DACH2: variants seen among roughly 807,000 people sequenced by gnomAD.
The protein encoded by DACH2 is dachshund family transcription factor 2.
A neutral mutation model predicts 35.8 loss-of-function variants in DACH2; 17 were observed. The observed-to-expected ratio is 0.48, with a 90% CI of 0.33 to 0.71. The LOEUF (loss-of-function observed/expected upper bound fraction) is 0.71, where lower values mean the gene tolerates loss of function less well. DACH2 is among the 30% of genes least tolerant of loss of function. DACH2 has a pLI of 0.02. For missense variants in DACH2, 469 were observed against 472.7 expected (o/e 0.99, Z 0.07); for synonymous variants, 195 against 177.3 (o/e 1.10, Z -0.79).
intron 2 of DACH2, among the ~76,000 whole-genome samples, chrX:86,446,563 C>A (rs758643686): frequency 1.7e-3 from 73 of 44,185 alleles, no homozygotes; most frequent in Non-Finnish European, 2.6e-3. Flanking sequence ...TTTGTTCTTG[C>A]GATAGTTTAC....
intron 2 of DACH2, among the ~76,000 whole-genome samples, chrX:86,432,209 A>G (rs1232741063): frequency 8.9e-6 from 1 of 112,370 alleles, no homozygotes; most frequent in Non-Finnish European, 1.9e-5. Context: ...GAATCTTGGA[A>G]TGGTTTGAGC....
rs36194671 is a variant in DACH2 at position 86,411,020 on chromosome X, TTA to T, written c.527+34176_527+34177del. Among the ~76,000 whole-genome samples the T allele has an allele frequency of 8.9e-4, 36 of 40,495 alleles. 1 individual carries two copies. The highest frequency in any genetic ancestry group is 3.7e-3 in the Admixed American group (9 of 2,410). 35.2% of individuals were successfully genotyped at this position (40,495 alleles called of 115,157 possible). On this transcript the variant is annotated intron_variant, in intron 2 of 11. Transcript: ENST00000373125. ...CTCTAGAGGGACAGAACTAATATGA[TTA>T]TATATATATATATATATGTATATAT...
At chrX:86,483,122 A>G (rs1453944857) in intron 2 of DACH2, among the ~76,000 whole-genome samples, 117 of 106,947 alleles carry the variant, frequency 1.1e-3, no homozygotes, top group Non-Finnish European at 2.0e-3. Flanking sequence ...CATGTACCCT[A>G]AAACTTAAAG....
chrX:86,671,272 C>T (rs1274761117), intron 4 of DACH2, among the ~76,000 whole-genome samples: 1 of 111,782 alleles, frequency 8.9e-6, no homozygotes, highest in African/African-American at 3.3e-5. Flanking sequence ...TGATAAAATC[C>T]ATAAAGGATA....
At chrX:86,715,301 A>G (rs2041323586) in intron 6 of DACH2, among the ~76,000 whole-genome samples, 1 of 111,793 alleles carries the variant, frequency 8.9e-6, no homozygotes, top group Non-Finnish European at 1.9e-5. Context: ...AACATTAACA[A>G]TATTTATGAT....
chrX:86,759,465 A>G (rs1437171268), intron 7 of DACH2, among the ~76,000 whole-genome samples: 3 of 110,832 alleles, frequency 2.7e-5, no homozygotes, highest in African/African-American at 9.8e-5. Flanking sequence ...TTTCATCTGC[A>G]TAGAATATCT....
chrX:86,198,871 T>C (rs1041644836), intron 1 of DACH2, among the ~76,000 whole-genome samples: 1 of 110,829 alleles, frequency 9.0e-6, no homozygotes, highest in African/African-American at 3.3e-5. Context: ...ACAGACATGA[T>C]TCCAAAAAGT....
intron 1 of DACH2, among the ~76,000 whole-genome samples, chrX:86,292,439 G>T (rs1395266301): frequency 9.4e-6 from 1 of 105,952 alleles, no homozygotes; most frequent in Non-Finnish European, 1.9e-5. Context: ...GTTCTGCTCT[G>T]ATTTTAGTTA....
chrX:86,672,623 T>C (rs2040777432), intron 4 of DACH2, among the ~76,000 whole-genome samples: 1 of 112,123 alleles, frequency 8.9e-6, no homozygotes, highest in African/African-American at 3.2e-5. Context: ...GTTAAGCCTA[T>C]GGGTGTGCAG....
At chrX:86,396,764 C>A (rs1210893589) in intron 2 of DACH2, among the ~76,000 whole-genome samples, 1 of 111,151 alleles carries the variant, frequency 9.0e-6, no homozygotes, top group Non-Finnish European at 1.9e-5. Context: ...GTTTTGGTAC[C>A]AGTACCATAC....
chrX:86,720,189 G>A (rs890022493), intron 6 of DACH2, among the ~76,000 whole-genome samples: 14 of 109,042 alleles, frequency 1.3e-4, no homozygotes, highest in South Asian at 4.0e-4. Flanking sequence ...CACCTGCCTC[G>A]GCCTCCCAAA....
chrX:86,683,660 G>A lies in DACH2; in HGVS notation c.773-11361G>A, dbSNP rs1414573092. 6.3e-5 allele frequency among the ~76,000 whole-genome samples: 7 copies of A among 111,184 alleles called. No individual in the cohort carries two copies. In the Admixed American group the frequency reaches 6.7e-4, roughly 11 times the overall value. On this transcript the variant is annotated intron_variant, in intron 4 of 11. Coordinates refer to ENST00000373125, the MANE Select transcript of DACH2 (RefSeq NM_053281.3). Reference sequence around the variant, plus strand: ...TGTTAGTAGTATAGTTAAAAAGGTAGTCACCCTATAGACAAGTTAATAAAG... The same window carrying A: ...TGTTAGTAGTATAGTTAAAAAGGTAATCACCCTATAGACAAGTTAATAAAG...
At chrX:86,229,403 T>A (rs1424203381) in intron 1 of DACH2, among the ~76,000 whole-genome samples, 2 of 112,248 alleles carry the variant, frequency 1.8e-5, no homozygotes, top group Non-Finnish European at 3.8e-5. Context: ...GGTAGTGTGA[T>A]GCCTCCAGTT....
intron 1 of DACH2, among the ~76,000 whole-genome samples, chrX:86,347,529 C>T (rs968667051): frequency 8.9e-6 from 1 of 112,936 alleles, no homozygotes; most frequent in Non-Finnish European, 1.9e-5. Context: ...TTCTCTCTCA[C>T]TCTCTTGTCT....
intron 2 of DACH2, among the ~76,000 whole-genome samples, chrX:86,394,292 T>A (rs770624900): frequency 9.0e-6 from 1 of 110,997 alleles, no homozygotes; most frequent in African/African-American, 3.3e-5. Context: ...TAATTAATTA[T>A]AATTTTATTA....
At chrX:86,695,863 C>G (rs2041063391) in intron 5 of DACH2, among the ~76,000 whole-genome samples, 1 of 110,850 alleles carries the variant, frequency 9.0e-6, no homozygotes, top group Admixed American at 9.7e-5. Context: ...GTCACCTAAC[C>G]TTTCCAAGTC....
At chrX:86,268,348 A>G (rs1282827746) in intron 1 of DACH2, among the ~76,000 whole-genome samples, 1 of 111,199 alleles carries the variant, frequency 9.0e-6, no homozygotes, top group Admixed American at 9.6e-5. Context: ...AACTCATTTA[A>G]GCCTCACAAC....
At chrX:86,201,989 A>G (rs2032168666) in intron 1 of DACH2, among the ~76,000 whole-genome samples, 1 of 111,546 alleles carries the variant, frequency 9.0e-6, no homozygotes, top group Non-Finnish European at 1.9e-5. Context: ...AAGTAGTTGG[A>G]AAAATTGAGT....
chrX:86,600,921 T>C (rs1158229613), intron 3 of DACH2, among the ~76,000 whole-genome samples: 1 of 111,459 alleles, frequency 9.0e-6, no homozygotes, highest in African/African-American at 3.3e-5. Context: ...AAAATCAATG[T>C]GCTTGGCCCC....
Sources: gnomAD v4.1 joint callset for allele counts (sites outside exome capture counted in the v4.1 genomes callset) on GRCh38, gnomAD v4.1.1 for gene constraint, MANE v1.5 for transcripts, NCBI Gene and HGNC (gene_info 2026-07-23, HGNC 2026-07-21) for gene names.